LIMCH1: variants seen among roughly 807,000 people sequenced by gnomAD.
LIMCH1 encodes LIM and calponin homology domains 1.
Under a neutral mutation model 176.5 loss-of-function variants are expected in LIMCH1, and 113 were observed. The observed-to-expected ratio is 0.64, with a 90% confidence interval of 0.55 to 0.75. The LOEUF is 0.75. Ranked by LOEUF, LIMCH1 falls within the 30% of genes least tolerant of loss-of-function variation. The pLI is 0.00. For missense variants in LIMCH1, 1,674 were observed against 1,814.9 expected, an observed-to-expected ratio of 0.92 and a Z score of 1.41; for synonymous variants, 619 against 645.9, an observed-to-expected ratio of 0.96 and a Z score of 0.63.
At chr4:41,447,550 C>T (rs920939820) in intron 1 of LIMCH1, among the ~76,000 whole-genome samples, 2 of 152,184 alleles carry the variant, frequency 1.3e-5, no homozygotes, top group Non-Finnish European at 2.9e-5. Flanking sequence ...CACATCTGCT[C>T]TTAAAAATCT....
At chr4:41,685,483 C>T (rs1329632533) in intron 27 of LIMCH1, among the ~76,000 whole-genome samples, 1 of 152,134 alleles carries the variant, frequency 6.6e-6, no homozygotes, top group Non-Finnish European at 1.5e-5. Flanking sequence ...TGTTTTATGA[C>T]ATCAGAAATC....
chr4:41,652,733 C>T (rs1054577521), intron 18 of LIMCH1, among the ~76,000 whole-genome samples: 13 of 152,058 alleles, frequency 8.5e-5, no homozygotes, highest in African/African-American at 2.9e-4. Flanking sequence ...TACATATCCC[C>T]CAAAGTAACT....
chr4:41,691,488 T>C (rs1393896222), intron 30 of LIMCH1, among the ~76,000 whole-genome samples: 1 of 151,426 alleles, frequency 6.6e-6, no homozygotes, highest in Non-Finnish European at 1.5e-5. Flanking sequence ...GGCTCATGCC[T>C]GTAATCCCAG....
chr4:41,568,824 C>T (rs1341393051), intron 1 of LIMCH1, among the ~76,000 whole-genome samples: 3 of 152,242 alleles, frequency 2.0e-5, no homozygotes, highest in Non-Finnish European at 2.9e-5. Flanking sequence ...AATTTCTAGA[C>T]ATGTTATTTA....
At chr4:41,627,092 G>A in intron 8 of LIMCH1, 82 bp downstream of exon 8, 2 of 1,460,790 alleles carry the variant, frequency 1.4e-6, no homozygotes, top group Non-Finnish European at 1.8e-6. Flanking sequence ...ATAATTAAGT[G>A]AAGTCAGTTT....
chr4:41,432,157 G>A (rs973588802), intron 1 of LIMCH1, among the ~76,000 whole-genome samples: 2 of 152,202 alleles, frequency 1.3e-5, no homozygotes, highest in African/African-American at 4.8e-5. Flanking sequence ...CAGCTCTATA[G>A]TACAGATAAA....
chr4:41,422,157 A>G (rs2060658331), intron 1 of LIMCH1, among the ~76,000 whole-genome samples: 1 of 152,142 alleles, frequency 6.6e-6, no homozygotes, highest in South Asian at 2.1e-4. Flanking sequence ...TGGTGCTGTC[A>G]TTCGTCAAAT....
intron 1 of LIMCH1, among the ~76,000 whole-genome samples, chr4:41,400,135 T>C (rs2058267074): frequency 6.6e-6 from 1 of 152,030 alleles, no homozygotes; most frequent in Non-Finnish European, 1.5e-5. Flanking sequence ...GGCTATCCTA[T>C]ACTGTATCTG....
intron 18 of LIMCH1, among the ~76,000 whole-genome samples, chr4:41,651,654 T>C (rs1280053086): frequency 1.3e-5 from 2 of 152,208 alleles, no homozygotes; most frequent in African/African-American, 4.8e-5. Context: ...TAACTGGTGC[T>C]ATCAGAATCT....
chr4:41,646,097 A>C (rs1280290916), intron 15 of LIMCH1, 26 bp from the exon 16 acceptor site: 2 of 1,590,948 alleles, frequency 1.3e-6, no homozygotes, highest in Non-Finnish European at 1.7e-6. Flanking sequence ...CTGAAGAAGA[A>C]TATTATATCT....
intron 1 of LIMCH1, among the ~76,000 whole-genome samples, chr4:41,379,985 A>C (rs1054879295): frequency 2.0e-5 from 3 of 151,848 alleles, no homozygotes; most frequent in Admixed American, 1.3e-4. Context: ...TTTAGTAGAG[A>C]TGGGGTTTTG....
upstream of LIMCH1, among the ~76,000 whole-genome samples, chr4:41,535,421 G>A (rs567184191): frequency 3.9e-5 from 6 of 152,196 alleles, no homozygotes; most frequent in African/African-American, 1.4e-4. Flanking sequence ...TGATCAGAGT[G>A]GGTTTGTTCT....
chr4:41,686,510 C>T (rs542994314), intron 28 of LIMCH1, among the ~76,000 whole-genome samples: 1 of 152,262 alleles, frequency 6.6e-6, no homozygotes, highest in South Asian at 2.1e-4. Context: ...ATATTTGAGC[C>T]AGAGATACCT....
intron 26 of LIMCH1, among the ~76,000 whole-genome samples, chr4:41,683,869 T>C (rs1034595734): frequency 2.6e-5 from 4 of 152,248 alleles, no homozygotes; most frequent in Non-Finnish European, 4.4e-5. Context: ...AATGTAACTT[T>C]ACAGAAAACC....
At chr4:41,620,089 G>T in intron 6 of LIMCH1, 1 of 243,658 alleles carries the variant, frequency 4.1e-6, no homozygotes, top group Non-Finnish European at 7.9e-6. Flanking sequence ...AAATAAACTT[G>T]TCTAATAGTC....
intron 20 of LIMCH1, among the ~76,000 whole-genome samples, chr4:41,663,209 A>T (rs1001909449): frequency 2.0e-5 from 3 of 149,214 alleles, no homozygotes; most frequent in African/African-American, 7.4e-5. Flanking sequence ...GCTGGAGTGC[A>T]GCGGTGTGAT....
At chr4:41,513,960 C>T (rs1216538561) in intron 2 of LIMCH1, among the ~76,000 whole-genome samples, 9 of 121,190 alleles carry the variant, frequency 7.4e-5, no homozygotes, top group Non-Finnish European at 1.1e-4. Context: ...GAGCGGAGAT[C>T]GTGCCACTGT....
rs190874468 is a variant in LIMCH1 at position 41,616,797 on chromosome 4, T to G, written c.206-2391T>G. Among the ~76,000 whole-genome samples, 11 of 152,204 alleles carry G rather than the reference T, an allele frequency of 7.2e-5. 1 individual carries two copies. The highest frequency in any genetic ancestry group is 4.6e-4 in the Admixed American group (7 of 15,292). ...TGTGATACCTGTATTATCACCTCCATGTATCCCATGAGGACCCTGAAGTAT... is the reference window on the plus strand; with the variant it reads ...TGTGATACCTGTATTATCACCTCCAGGTATCCCATGAGGACCCTGAAGTAT... On this transcript the variant is annotated intron_variant, in intron 5 of 31. Transcript: ENST00000503057.
At chr4:41,611,350 A>G (rs1317822893) in intron 4 of LIMCH1, among the ~76,000 whole-genome samples, 2 of 152,262 alleles carry the variant, frequency 1.3e-5, no homozygotes, top group African/African-American at 4.8e-5. Flanking sequence ...ACCTAATGAC[A>G]TATCCCTGTC....
Sources: allele counts gnomAD v4.1 joint callset (sites outside exome capture counted in the v4.1 genomes callset), GRCh38; gene constraint gnomAD v4.1.1; transcripts MANE v1.5; gene names NCBI Gene and HGNC (gene_info 2026-07-23, HGNC 2026-07-21).